Variants in GSS observed in about 807,000 individuals in gnomAD.
The protein encoded by GSS is GSH synthetase.
Under a neutral mutation model 60.4 loss-of-function variants are expected in GSS, and 34 were observed. The observed-to-expected ratio is 0.56, with a 90% confidence interval of 0.43 to 0.75. GSS has a LOEUF of 0.75. Ranked by LOEUF, GSS falls within the 30% of genes least tolerant of loss-of-function variation. GSS has a pLI of 0.00. For missense variants in GSS, 499 were observed against 595.1 expected (o/e 0.84, Z 1.68); for synonymous variants, 224 against 239.0 (o/e 0.94, Z 0.58).
chr20:34,939,188 C>G (rs1011629235), intron 6 of GSS, among the ~76,000 whole-genome samples: 1 of 151,902 alleles, frequency 6.6e-6, no homozygotes, highest in Non-Finnish European at 1.5e-5. Flanking sequence ...TGTAGTGAGC[C>G]GAGATCGTGC....
chr20:34,930,746 A>C (rs2147121458), intron 11 of GSS, among the ~76,000 whole-genome samples: 1 of 152,270 alleles, frequency 6.6e-6, no homozygotes, highest in East Asian at 1.9e-4. Context: ...CCAATTTCTC[A>C]GTATATATTC....
At chr20:34,951,376 G>C (rs940148397) in intron 2 of GSS, 10 of 282,060 alleles carry the variant, frequency 3.5e-5, no homozygotes, top group Admixed American at 9.6e-5. Context: ...AGTGATTATG[G>C]GGTTTTCAGT....
chr20:34,948,556 C>T (rs965338835), intron 2 of GSS, among the ~76,000 whole-genome samples: 5 of 152,098 alleles, frequency 3.3e-5, no homozygotes, highest in Non-Finnish European at 5.9e-5. Context: ...GAGGCCGAGG[C>T]GGGCAGATCA....
chr20:34,942,877 A>T, intron 4 of GSS, 54 bp downstream of exon 4: 1 of 1,299,744 alleles, frequency 7.7e-7, no homozygotes, highest in South Asian at 1.2e-5. Context: ...AACAGAAAAC[A>T]AACAGAGATG....
rs1350689986 is a variant in GSS, at chr20:34,928,447, A to G, written c.*381T>C. 2 of 338,302 alleles carry G rather than the reference A, an allele frequency of 5.9e-6. No individual in the cohort carries two copies. The highest frequency in any genetic ancestry group is 1.1e-5 in the Non-Finnish European group (2 of 174,452). The allele number at this position is 338,302 out of a possible 1,614,324, so 21.0% of individuals were successfully genotyped here. A position where few individuals can be genotyped will look rare whatever the true frequency, so the allele number is the denominator to read the frequency against. On this transcript the variant is annotated 3_prime_UTR_variant, in exon 13 of 13. Coordinates refer to ENST00000651619, the MANE Select transcript of GSS (RefSeq NM_000178.4). ...GGAATCATCACTGAATCAGCAATGC[A>G]GTTTTATTTAAGGCAGAATTAGGGA...
intron 6 of GSS, among the ~76,000 whole-genome samples, chr20:34,940,880 T>C (rs558457829): frequency 1.3e-5 from 2 of 152,162 alleles, no homozygotes; most frequent in Non-Finnish European, 2.9e-5. Context: ...CATTTACTCA[T>C]CCAAGAGGCC....
intron 11 of GSS, 50 bp downstream of exon 11, chr20:34,931,286 G>A (rs371421288): frequency 2.6e-4 from 362 of 1,418,470 alleles, no homozygotes; most frequent in Non-Finnish European, 3.4e-4. Flanking sequence ...ACTGGCCACA[G>A]CCTGCTAGTC....
intron 6 of GSS, among the ~76,000 whole-genome samples, chr20:34,937,539 G>A (rs2081449606): frequency 1.3e-5 from 2 of 152,126 alleles, no homozygotes; most frequent in African/African-American, 4.8e-5. Flanking sequence ...GAACCCTACA[G>A]AAACCCACAG....
At chr20:34,940,334 C>A (rs1480603137) in intron 6 of GSS, among the ~76,000 whole-genome samples, 6 of 152,184 alleles carry the variant, frequency 3.9e-5, no homozygotes, top group African/African-American at 1.4e-4. Context: ...CTGACCCATC[C>A]CCTGGCTTCA....
intron 6 of GSS, among the ~76,000 whole-genome samples, chr20:34,939,714 G>T (rs1316875299): frequency 7.4e-5 from 11 of 149,646 alleles, no homozygotes; most frequent in Non-Finnish European, 1.2e-4. Flanking sequence ...CTGTCGCCCA[G>T]GCTGGAGTGC....
chr20:34,946,536 C>G (rs1020613639), intron 2 of GSS: 1 of 155,224 alleles, frequency 6.4e-6, no homozygotes, highest in Non-Finnish European at 1.4e-5. Flanking sequence ...TGAACCAGAA[C>G]AGTTAACAGA....
rs767231017 is a variant in GSS, at chr20:34,929,468, G to T, written c.1234C>A (p.Arg412=). 3.1e-6 allele frequency: 5 copies of T among 1,613,888 alleles called. No homozygotes were observed. Among genetic ancestry groups the T allele is most frequent in the Non-Finnish European group, 4.2e-6 (5 of 1,179,872 alleles). The stretch of plus-strand genomic sequence containing the variant: ...ACCACTCGGGCAGGGCTGCCAGGCC[G>T]TAGCAGGCAATTCTCAAAAGGCTCA... ...EPEPFENCLL[R]PGSPARVVQC... Residue 412 remains arginine, a synonymous_variant, in exon 12 of 13, where the codon CGG becomes AGG. Coordinates refer to ENST00000651619, the MANE Select transcript of GSS (RefSeq NM_000178.4).
At chr20:34,935,306 T>C (rs1057241404) in intron 9 of GSS, among the ~76,000 whole-genome samples, 12 of 152,334 alleles carry the variant, frequency 7.9e-5, no homozygotes, top group East Asian at 5.8e-4. Context: ...TGAGAGCTGA[T>C]TGTTGTTAAA....
At position 34,951,779 on chromosome 20, in the gene GSS, C is replaced by T. The variant is rs752323999; in HGVS notation, c.74G>A (p.Arg25Gln). The T allele has an allele frequency of 2.3e-5, 37 of 1,613,726 alleles. 1 individual carries two copies. In the South Asian group the frequency reaches 2.3e-4, roughly 10 times the overall value. The change falls in exon 2 of 13, where the codon CGG (arginine) becomes CAG (glutamine). Residue 25 changes from arginine to glutamine, a missense_variant. Coordinates refer to ENST00000651619, the MANE Select transcript of GSS (RefSeq NM_000178.4). ...LEELARQAVD[R>Q]ALAEGVLLRT... ...CAGCAATACTCCCTCAGCCAGGGCC[C>T]GGTCCACGGCCTGCCGTGCCAGCTC...
intron 3 of GSS, 36 bp from the exon 4 acceptor site, chr20:34,943,042 A>G (rs1331837805): frequency 1.4e-6 from 2 of 1,438,672 alleles, no homozygotes; most frequent in Non-Finnish European, 1.9e-6. Flanking sequence ...TGCAGGCTTA[A>G]TTGGACCTAA....
intron 8 of GSS, among the ~76,000 whole-genome samples, chr20:34,936,323 C>T (rs943471100): frequency 2.6e-5 from 4 of 152,124 alleles, no homozygotes; most frequent in Admixed American, 2.6e-4. Context: ...ATATGTAGCA[C>T]CAAATCTACC....
intron 11 of GSS, 133 bp downstream of exon 11, chr20:34,931,203 A>C (rs904877628): frequency 1.3e-6 from 1 of 766,536 alleles, no homozygotes; most frequent in African/African-American, 1.7e-5. Flanking sequence ...GACACTGTCC[A>C]ACATGTGGCC....
intron 9 of GSS, chr20:34,933,647 T>A: frequency 6.5e-6 from 1 of 152,816 alleles, no homozygotes. Flanking sequence ...CTGTAGCACC[T>A]TGACCTGATC....
chr20:34,929,136 T>C, intron 12 of GSS, 185 bp from the exon 13 acceptor site: 3 of 750,138 alleles, frequency 4.0e-6, no homozygotes, highest in Admixed American at 2.1e-5. Flanking sequence ...GTGTTCTGAG[T>C]CCTCTTGGTG....
Sources: allele counts gnomAD v4.1 joint callset (sites outside exome capture counted in the v4.1 genomes callset), GRCh38; gene constraint gnomAD v4.1.1; transcripts MANE v1.5; gene names NCBI Gene and HGNC (gene_info 2026-07-23, HGNC 2026-07-21).